The following THBS2 variants were observed in gnomAD, a reference collection of about 807,000 sequenced individuals.
THBS2 encodes the protein thrombospondin 2.
THBS2 carries 47 observed loss-of-function variants against 135.2 expected under a neutral mutation model. The observed-to-expected ratio is 0.35, with a 90% CI of 0.28 to 0.44. THBS2 has a LOEUF of 0.44. THBS2 is among the 20% of genes least tolerant of loss of function. The pLI is 1.00. For missense variants in THBS2, 1,288 were observed against 1,603.1 expected (o/e 0.80, Z 3.36); for synonymous variants, 639 against 633.8 (o/e 1.01, Z -0.12).
At chr6:169,223,203 C>A (rs779693435) in intron 18 of THBS2, 45 bp downstream of exon 18, 1 of 1,578,162 alleles carries the variant, frequency 6.3e-7, no homozygotes, top group Non-Finnish European at 8.7e-7. Flanking sequence ...GTGGGCGCCT[C>A]CCCCGGAGAA....
chr6:169,244,755 C>A (rs1780487353), intron 4 of THBS2, among the ~76,000 whole-genome samples: 1 of 152,176 alleles, frequency 6.6e-6, no homozygotes, highest in African/African-American at 2.4e-5. Flanking sequence ...ACGCAGAGTG[C>A]TGGAGCCAAG....
chr6:169,227,330 C>A (rs1779669539), intron 15 of THBS2, among the ~76,000 whole-genome samples: 1 of 152,176 alleles, frequency 6.6e-6, no homozygotes, highest in Admixed American at 6.5e-5. Flanking sequence ...AAGGGATGAC[C>A]ATGCGGTGAC....
Position 169,232,693 on chromosome 6 carries a change from C to G in THBS2, c.1903G>C (p.Gly635Arg). The G allele has an allele frequency of 1.2e-6, 2 of 1,610,906 alleles. No homozygotes were observed. The highest frequency in any genetic ancestry group is 1.7e-6 in the Non-Finnish European group (2 of 1,178,636). The change falls in exon 12 of 22, where the codon GGC becomes CGC. Residue 635 changes from glycine (G) to arginine (R), a missense_variant. Gly to Arg is a moderately radical substitution (Grantham distance 125). Transcript: ENST00000617924. ...RYRGNQPVGV[G>R]LEAAKTEKQV... ...TTTTCCGTCTTGGCTGCTTCCAGGC[C>G]GACCCCGACGGGCTGGTTCCCTCTG...
chr6:169,236,072 ACCATCCACACTCACTC>A (rs1234654167), intron 9 of THBS2, among the ~76,000 whole-genome samples: 9 of 54,622 alleles, frequency 1.6e-4, no homozygotes, highest in African/African-American at 4.2e-4. Flanking sequence ...ATCCACACTC[ACCATCCACACTCACTC>A]CCATCCACAC....
At chr6:169,245,126 A>G (rs561682794) in intron 4 of THBS2, among the ~76,000 whole-genome samples, 4 of 152,220 alleles carry the variant, frequency 2.6e-5, no homozygotes, top group African/African-American at 9.6e-5. Context: ...GCACACGGCC[A>G]CACCGTGTGG....
chr6:169,219,168 T>C (rs111162671), intron 21 of THBS2, among the ~76,000 whole-genome samples: 20,982 of 134,254 alleles, frequency 0.16, 1,708 homozygotes, highest in Admixed American at 0.27. Flanking sequence ...TGAGTGGGGG[T>C]GAATGAAATG....
In THBS2 at chr6:169,248,703, A is replaced by G; in HGVS notation, c.323T>C (p.Leu108Pro). The change falls in exon 3 of 22, where the codon CTC (leucine) becomes CCC (proline). Residue 108 changes from leucine (L) to proline (P), a missense_variant. This residue lies in a region of THBS2 where 414 missense variants were observed against 447.0 expected (regional missense o/e 0.93). Transcript: ENST00000617924. ...GTLLALEGPG[L>P]SQRQFEIVSN... ...GACGATCTCGAACTGCCTCTGGGAG[A>G]GACCGGGGCCCTCCAGAGCCAACAG... 6.2e-7 allele frequency: 1 copy of G among 1,613,686 alleles called. No homozygotes were observed. The highest frequency in any genetic ancestry group is 8.5e-7 in the Non-Finnish European group (1 of 1,179,878).
At chr6:169,244,342 A>AC (rs34012579) in intron 4 of THBS2, among the ~76,000 whole-genome samples, 7 of 149,106 alleles carry the variant, frequency 4.7e-5, no homozygotes, top group African/African-American at 1.5e-4. Flanking sequence ...ACACACACAC[A>AC]AGGTGTTTGC....
At position 169,248,526 on chromosome 6, in the gene THBS2, C is replaced by T. The variant is rs1163186543; in HGVS notation, c.500G>A (p.Cys167Tyr). ...AGETYSLHVG[C>Y]DLIDSFALDE... ...CAGAGCGAAGCTGTCTATGAGGTCG[C>T]AGCCCACGTGCAAGCTGTAGGTCTC... Residue 167 changes from cysteine (C) to tyrosine (Y), a missense_variant, in exon 3 of 22, where the codon TGC (cysteine) becomes TAC (tyrosine). Cys to Tyr is a radical substitution (Grantham distance 194). Coordinates refer to ENST00000617924, the MANE Select transcript of THBS2 (RefSeq NM_003247.5). The T allele has an allele frequency of 6.2e-7, 1 of 1,613,910 alleles. No individual in the cohort carries two copies. Among genetic ancestry groups the T allele is most frequent in the African/African-American group, 1.3e-5 (1 of 74,956 alleles).
rs770863471 is a variant in THBS2, at chr6:169,222,203, C to T, written c.3267G>A (p.Pro1089=). 79 of 1,603,514 alleles carry T rather than the reference C, an allele frequency of 4.9e-5. 1 individual carries two copies. Among genetic ancestry groups the T allele is most frequent in the African/African-American group, 4.1e-4 (31 of 74,832 alleles). The change falls in exon 19 of 22, where the codon CCG becomes CCA. Residue 1089 remains proline (P), a synonymous_variant. Coordinates refer to ENST00000617924, the MANE Select transcript of THBS2 (RefSeq NM_003247.5). ...RNALWHTGNT[P]GQVRTLWHDP... is the part of the protein sequence containing the mutation. ...CCTGGCCAGCCAACCTCACCTGCCC[C>T]GGCGTGTTCCCCGTGTGCCACAGCG...
At chr6:169,237,432 A>T in intron 8 of THBS2, 86 bp from the exon 9 acceptor site, 2 of 1,538,626 alleles carry the variant, frequency 1.3e-6, no homozygotes, top group Non-Finnish European at 1.8e-6. Flanking sequence ...ACCGAGGAGC[A>T]TCTCACAGCT....
At chr6:169,237,946 A>C in intron 7 of THBS2, 151 bp from the exon 8 acceptor site, 2 of 1,039,562 alleles carry the variant, frequency 1.9e-6, no homozygotes, top group Non-Finnish European at 2.7e-6. Context: ...TGGACATCCC[A>C]GTGGCTGGGC....
chr6:169,231,967 C>T lies in THBS2; in HGVS notation c.2151+13G>A, dbSNP rs771247879. 6.2e-7 allele frequency: 1 copy of T among 1,612,750 alleles called. No homozygotes were observed. Among genetic ancestry groups the T allele is most frequent in the Non-Finnish European group, 8.5e-7 (1 of 1,179,674 alleles). On this transcript the variant is annotated intron_variant, in intron 13 of 21. Coordinates refer to ENST00000617924, the MANE Select transcript of THBS2 (RefSeq NM_003247.5). The stretch of plus-strand genomic sequence containing the variant: ...GCCGTGGCCCCGTGTGCCCTGCGAG[C>T]CCCGCGCCTCACCTTGATGCAGTGG...
At position 169,232,722 on chromosome 6, in the gene THBS2, C is replaced by A. The variant is rs1779890310; in HGVS notation, c.1874G>T (p.Arg625Leu). ...PGFHCLPCPP[R>L]YRGNQPVGVG... is the part of the protein sequence containing the mutation. ...CCCGACGGGCTGGTTCCCTCTGTAT[C>A]GGGGCGGGCAGGGCAGGCAGTGGAA... The change falls in exon 12 of 22, where the codon CGA becomes CTA. Residue 625 changes from arginine to leucine, a missense_variant. Around this residue, in one of 2 missense-constraint regions of THBS2, gnomAD observed 874 missense variants for 1,156.1 expected, o/e 0.76. Coordinates refer to ENST00000617924, the MANE Select transcript of THBS2 (RefSeq NM_003247.5). 6.2e-7 allele frequency: 1 copy of A among 1,613,922 alleles called. No homozygotes were observed. Among genetic ancestry groups the A allele is most frequent in the Admixed American group, 1.7e-5 (1 of 60,006 alleles).
At position 169,216,997 on chromosome 6, in the gene THBS2, G is replaced by C. The variant is rs1779193700; in HGVS notation, c.*825C>G. On this transcript the variant is annotated 3_prime_UTR_variant, in exon 22 of 22. Coordinates refer to ENST00000617924, the MANE Select transcript of THBS2 (RefSeq NM_003247.5). ...AAGCTGGGGAAGGAAGCTCAGGCAG[G>C]AGCCTCCCCGACGCCACAGCGGCAC... 2 of 152,242 alleles carry C rather than the reference G, an allele frequency of 1.3e-5. No individual in the cohort carries two copies. Among genetic ancestry groups the C allele is most frequent in the Admixed American group, 1.3e-4 (2 of 15,280 alleles). The allele number at this position is 152,242 out of a possible 1,614,324, so 9.4% of individuals were successfully genotyped here. A position where few individuals can be genotyped will look rare whatever the true frequency, so the allele number is the denominator to read the frequency against.
rs750526839 is a variant in THBS2 at position 169,232,217 on chromosome 6, C to A, written c.1933-19G>T. 1 of 1,611,316 alleles carries A rather than the reference C, an allele frequency of 6.2e-7. No individual in the cohort carries two copies. Among genetic ancestry groups the A allele is most frequent in the South Asian group, 1.1e-5 (1 of 91,074 alleles). ...CACACACCTACGGGGAGAAGGGCTG[C>A]GGGGTTAGCGACAGGCAGGACGATG... On this transcript the variant is annotated intron_variant, in intron 12 of 21. Transcript: ENST00000617924.
intron 3 of THBS2, among the ~76,000 whole-genome samples, chr6:169,248,014 T>A (rs563219901): frequency 6.6e-6 from 1 of 151,766 alleles, no homozygotes; most frequent in Admixed American, 6.6e-5. Flanking sequence ...TGTGTTCACA[T>A]GCATGTGTAT....
intron 14 of THBS2, among the ~76,000 whole-genome samples, chr6:169,229,189 G>C (rs1257294821): frequency 6.6e-6 from 1 of 152,160 alleles, no homozygotes; most frequent in East Asian, 1.9e-4. Context: ...TAAACCATTT[G>C]TGTTTGCAGC....
intron 12 of THBS2, among the ~76,000 whole-genome samples, 189 bp from the exon 13 acceptor site, chr6:169,232,387 G>A (rs1002603049): frequency 6.6e-6 from 1 of 152,186 alleles, no homozygotes; most frequent in Non-Finnish European, 1.5e-5. Flanking sequence ...TTGTGACTCA[G>A]CCATCGTTTC....
Sources: gnomAD v4.1 joint callset for allele counts (sites outside exome capture counted in the v4.1 genomes callset) on GRCh38, gnomAD v4.1.1 for gene constraint, gnomAD v4.1.1 regional missense constraint, MANE v1.5 for transcripts, NCBI Gene and HGNC (gene_info 2026-07-23, HGNC 2026-07-21) for gene names.